NAV2: variants seen among roughly 807,000 people sequenced by gnomAD.
NAV2 encodes the protein neuron navigator 2, also known as helicase, APC down-regulated 1.
In NAV2, 54 loss-of-function variants were observed where a neutral mutation model predicts 223.2. The observed-to-expected ratio is 0.24, with a 90% CI of 0.19 to 0.30. NAV2 has a LOEUF of 0.30. Among genes scored for constraint, NAV2 ranks in the 10% least tolerant of loss-of-function variants. The pLI is 1.00. For missense variants in NAV2, 2,806 were observed against 3,147.5 expected, an observed-to-expected ratio of 0.89 and a Z score of 2.60; for synonymous variants, 1,279 against 1,239.3, an observed-to-expected ratio of 1.03 and a Z score of -0.67.
chr11:20,073,790 A>T (rs2059553209), intron 22 of NAV2, among the ~76,000 whole-genome samples: 1 of 152,030 alleles, frequency 6.6e-6, no homozygotes, highest in Non-Finnish European at 1.5e-5. Context: ...TATCCCCTTT[A>T]TCATTTTCTA....
At chr11:19,723,012 C>T (rs2050893223) in intron 1 of NAV2, among the ~76,000 whole-genome samples, 1 of 152,216 alleles carries the variant, frequency 6.6e-6, no homozygotes, top group Non-Finnish European at 1.5e-5. Context: ...GTAATAATGG[C>T]ACTGCAGCAG....
chr11:19,780,065 G>T (rs572695414), intron 1 of NAV2, among the ~76,000 whole-genome samples: 1 of 152,310 alleles, frequency 6.6e-6, no homozygotes, highest in African/African-American at 2.4e-5. Flanking sequence ...CTTGCTTCAT[G>T]TTCTATTTTA....
chr11:19,967,926 G>A (rs940062966), intron 10 of NAV2, among the ~76,000 whole-genome samples: 4 of 152,150 alleles, frequency 2.6e-5, no homozygotes, highest in Non-Finnish European at 5.9e-5. Flanking sequence ...TGCCAGCCTG[G>A]GGGTGATAGT....
intron 1 of NAV2, among the ~76,000 whole-genome samples, chr11:19,552,226 C>T (rs1377287896): frequency 2.0e-5 from 3 of 152,142 alleles, no homozygotes; most frequent in Non-Finnish European, 2.9e-5. Context: ...TGCCTCTTTG[C>T]GGTGCCTGGG....
intron 1 of NAV2, among the ~76,000 whole-genome samples, chr11:19,479,252 GCT>G (rs1227696953): frequency 6.6e-6 from 1 of 152,136 alleles, no homozygotes; most frequent in Non-Finnish European, 1.5e-5. Context: ...TGCCACCGTG[GCT>G]CTCTCTGGTG....
intron 3 of NAV2, among the ~76,000 whole-genome samples, chr11:19,846,558 C>T: frequency 6.6e-6 from 1 of 152,212 alleles, no homozygotes; most frequent in East Asian, 1.9e-4. Context: ...GGAAACACAA[C>T]CCGGTTGGAA....
At chr11:20,079,327 C>T (rs1401371955) in intron 24 of NAV2, among the ~76,000 whole-genome samples, 1 of 152,166 alleles carries the variant, frequency 6.6e-6, no homozygotes, top group East Asian at 1.9e-4. Flanking sequence ...AGGCATGATC[C>T]ACTACACCCG....
intron 1 of NAV2, among the ~76,000 whole-genome samples, chr11:19,473,950 G>C (rs2042040336): frequency 6.6e-6 from 1 of 152,164 alleles, no homozygotes; most frequent in Non-Finnish European, 1.5e-5. Flanking sequence ...AACTCTGAAG[G>C]GTCGTTCTAG....
chr11:20,079,838 T>C (rs951597613), intron 24 of NAV2, among the ~76,000 whole-genome samples: 3 of 152,212 alleles, frequency 2.0e-5, no homozygotes, highest in African/African-American at 7.2e-5. Flanking sequence ...CCTTGACTTC[T>C]GTTTTGTAAA....
intron 1 of NAV2, among the ~76,000 whole-genome samples, chr11:19,565,864 C>A (rs144056694): frequency 1.3e-5 from 2 of 152,214 alleles, no homozygotes; most frequent in Non-Finnish European, 2.9e-5. Context: ...ACGAAATGCT[C>A]GATGTGGCCT....
At chr11:19,915,856 A>T (rs560043418) in intron 6 of NAV2, among the ~76,000 whole-genome samples, 1 of 152,304 alleles carries the variant, frequency 6.6e-6, no homozygotes, top group East Asian at 1.9e-4. Context: ...ACGTTAAAGT[A>T]TTTGTTAAGT....
At chr11:20,102,400 G>T (rs186695845) in intron 32 of NAV2, among the ~76,000 whole-genome samples, 1 of 152,126 alleles carries the variant, frequency 6.6e-6, no homozygotes. Flanking sequence ...ACTGGGGCAG[G>T]CACCCAGGTC....
intron 11 of NAV2, chr11:20,022,584 A>G (rs1279879903): frequency 1.0e-6 from 1 of 985,820 alleles, no homozygotes; most frequent in Admixed American, 6.1e-5. Flanking sequence ...CTTTGCCTTC[A>G]GACGTCAATG....
intron 1 of NAV2, among the ~76,000 whole-genome samples, chr11:19,605,499 A>G (rs1322294864): frequency 1.3e-5 from 2 of 151,928 alleles, no homozygotes; most frequent in Non-Finnish European, 1.5e-5. Flanking sequence ...GGAAATGTTT[A>G]AGTTTCTGGG....
intron 1 of NAV2, among the ~76,000 whole-genome samples, chr11:19,664,275 G>T (rs563775118): frequency 2.6e-4 from 40 of 152,180 alleles, no homozygotes; most frequent in Non-Finnish European, 5.1e-4. Flanking sequence ...AGAGGAAAAA[G>T]TCAACCCTTC....
In NAV2 at chr11:19,390,023, G is replaced by A. The variant is rs1288600795; in HGVS notation, c.75+38996G>A. Among the ~76,000 whole-genome samples the A allele has an allele frequency of 7.2e-5, 11 of 152,162 alleles. 1 individual carries two copies. Among genetic ancestry groups the A allele is most frequent in the Admixed American group, 6.5e-4 (10 of 15,270 alleles). ...TTCTTTGGCTAGAGTTTTGTAATCT[G>A]CCCCATTTGTGCAAACATTCCAGGA... On this transcript the variant is annotated intron_variant, in intron 1 of 37. Coordinates refer to the NAV2 transcript ENST00000360655.
At chr11:19,832,850 G>T (rs2060020163) in intron 2 of NAV2, among the ~76,000 whole-genome samples, 2 of 152,228 alleles carry the variant, frequency 1.3e-5, no homozygotes, top group Non-Finnish European at 2.9e-5. Flanking sequence ...CAAGGCCAGA[G>T]GGAAATGCTG....
intron 10 of NAV2, among the ~76,000 whole-genome samples, chr11:19,974,651 C>T (rs2049550410): frequency 6.6e-6 from 1 of 152,126 alleles, no homozygotes; most frequent in Non-Finnish European, 1.5e-5. Flanking sequence ...TGGTGGCATG[C>T]GCCTGTAGTC....
intron 1 of NAV2, among the ~76,000 whole-genome samples, chr11:19,500,615 A>G (rs775572154): frequency 6.6e-6 from 1 of 152,228 alleles, no homozygotes; most frequent in Admixed American, 6.5e-5. Context: ...ATTATGAACT[A>G]GAAAATTCCA....
Sources: gnomAD v4.1 joint callset for allele counts (sites outside exome capture counted in the v4.1 genomes callset) on GRCh38, gnomAD v4.1.1 for gene constraint, MANE v1.5 for transcripts, NCBI Gene and HGNC (gene_info 2026-07-23, HGNC 2026-07-21) for gene names.